The following IL1RAPL2 variants were observed in gnomAD, a reference collection of about 807,000 sequenced individuals.
IL1RAPL2 encodes interleukin 1 receptor accessory protein like 2, also known as X-linked interleukin-1 receptor accessory protein-like 2.
IL1RAPL2 carries 3 observed loss-of-function variants against 44.1 expected under a neutral mutation model. That is an observed-to-expected ratio of 0.07 (90% CI 0.03 to 0.18). IL1RAPL2 has a LOEUF of 0.18. Ranked by LOEUF, IL1RAPL2 falls within the 10% of genes least tolerant of loss-of-function variation. The pLI is 1.00. For missense variants in IL1RAPL2, 391 were observed against 496.4 expected, an observed-to-expected ratio of 0.79 and a Z score of 2.02; for synonymous variants, 181 against 178.8, an observed-to-expected ratio of 1.01 and a Z score of -0.10.
chrX:104,853,254 C>T (rs769067219), intron 2 of IL1RAPL2, among the ~76,000 whole-genome samples: 5 of 111,333 alleles, frequency 4.5e-5, no homozygotes, highest in Non-Finnish European at 7.5e-5. Flanking sequence ...GAAATATCAA[C>T]GATAAGGATG....
At chrX:104,923,863 T>C (rs1421874083) in intron 2 of IL1RAPL2, among the ~76,000 whole-genome samples, 2 of 65,725 alleles carry the variant, frequency 3.0e-5, no homozygotes, top group African/African-American at 1.2e-4. Flanking sequence ...ACGGGCAAGT[T>C]GGATTTAAAA....
At chrX:104,813,927 G>T (rs1443633017) in intron 2 of IL1RAPL2, among the ~76,000 whole-genome samples, 2 of 111,942 alleles carry the variant, frequency 1.8e-5, no homozygotes, top group Admixed American at 9.5e-5. Context: ...GTCTGTAATT[G>T]TCATTTTGAA....
rs142852432 is a variant in IL1RAPL2 at position 105,066,095 on chromosome X, C to A, written c.83-129380C>A. Among the ~76,000 whole-genome samples, 440 of 111,073 alleles carry A rather than the reference C, an allele frequency of 4.0e-3. 3 individuals are homozygous for A. The highest frequency in any genetic ancestry group is 0.013 in the African/African-American group (410 of 30,491). ...GACTCTGAATGGGAAGCAGGCTGAA[C>A]CTCATTGGCTCAGAAATGAAAGGCT... On this transcript the variant is annotated intron_variant, in intron 2 of 10. Coordinates refer to ENST00000372582, the MANE Select transcript of IL1RAPL2 (RefSeq NM_017416.2).
At chrX:105,056,587 C>A (rs1439818985) in intron 2 of IL1RAPL2, among the ~76,000 whole-genome samples, 1 of 111,208 alleles carries the variant, frequency 9.0e-6, no homozygotes, top group Non-Finnish European at 1.9e-5. Flanking sequence ...GTAGATCAGA[C>A]CCTGAATCCT....
chrX:105,119,493 C>G (rs988826730), intron 2 of IL1RAPL2, among the ~76,000 whole-genome samples: 1 of 111,533 alleles, frequency 9.0e-6, no homozygotes, highest in Non-Finnish European at 1.9e-5. Context: ...CTCTGCCTGG[C>G]TCTTAATTTC....
chrX:104,901,532 G>T (rs982845840), intron 2 of IL1RAPL2, among the ~76,000 whole-genome samples: 13 of 110,328 alleles, frequency 1.2e-4, no homozygotes, highest in African/African-American at 3.3e-4. Flanking sequence ...TTTCTACCAG[G>T]TCATGTATTT....
chrX:105,220,535 C>G lies in IL1RAPL2; in HGVS notation c.357-13283C>G, dbSNP rs186710149. The G allele has an allele frequency of 7.2e-3, 4,122 of 569,216 alleles. 26 individuals carry two copies. Among genetic ancestry groups the G allele is most frequent in the Non-Finnish European group, 8.3e-3 (3,174 of 382,847 alleles). The allele number at this position is 569,216 out of a possible 1,213,427, so 46.9% of individuals were successfully genotyped here. A position where few individuals can be genotyped will look rare whatever the true frequency, so the allele number is the denominator to read the frequency against. The stretch of plus-strand genomic sequence containing the variant: ...CCCGCCCTACCCGCTCTGACAAGAC[C>G]GTCCTAATGACCCCCTGACCGGCTT... On this transcript the variant is annotated intron_variant, in intron 3 of 10. Transcript: ENST00000372582.
intron 2 of IL1RAPL2, among the ~76,000 whole-genome samples, chrX:105,039,708 G>T (rs2031689159): frequency 8.9e-6 from 1 of 111,836 alleles, no homozygotes; most frequent in Admixed American, 9.5e-5. Flanking sequence ...AAGAATGCTT[G>T]TGATTTTTTG....
intron 6 of IL1RAPL2, among the ~76,000 whole-genome samples, chrX:105,701,428 C>T (rs2038118351): frequency 9.0e-6 from 1 of 111,625 alleles, no homozygotes; most frequent in Admixed American, 9.5e-5. Flanking sequence ...CAAACAGGTA[C>T]AAAGAGTATT....
intron 5 of IL1RAPL2, among the ~76,000 whole-genome samples, chrX:105,300,506 C>T (rs1271679220): frequency 9.0e-6 from 1 of 111,088 alleles, no homozygotes; most frequent in Non-Finnish European, 1.9e-5. Context: ...TTACCTCCTA[C>T]CAGGCCCCAA....
chrX:104,647,959 C>G, intron 1 of IL1RAPL2: 1 of 823,018 alleles, frequency 1.2e-6, no homozygotes, highest in Non-Finnish European at 1.8e-6. Flanking sequence ...CAGCTAAGGC[C>G]AGGCCAAACT....
At chrX:105,102,982 G>A (rs1312035624) in intron 2 of IL1RAPL2, among the ~76,000 whole-genome samples, 2 of 111,626 alleles carry the variant, frequency 1.8e-5, no homozygotes, top group African/African-American at 6.5e-5. Flanking sequence ...AGGAAGCCTG[G>A]AAGAGGTTTT....
intron 2 of IL1RAPL2, among the ~76,000 whole-genome samples, chrX:104,712,149 G>A (rs1931470169): frequency 9.0e-6 from 1 of 110,778 alleles, no homozygotes; most frequent in South Asian, 3.8e-4. Flanking sequence ...AACCTAGGAA[G>A]TTCCCCTCTT....
chrX:104,992,713 T>C (rs1263197503), intron 2 of IL1RAPL2, among the ~76,000 whole-genome samples: 4 of 110,429 alleles, frequency 3.6e-5, no homozygotes, highest in African/African-American at 1.3e-4. Flanking sequence ...CTACTGAATA[T>C]GAGTGTTTGA....
intron 2 of IL1RAPL2, among the ~76,000 whole-genome samples, chrX:104,945,283 T>C (rs771302562): frequency 5.1e-4 from 56 of 110,658 alleles, no homozygotes; most frequent in African/African-American, 1.8e-3. Context: ...ACTTAGTAAA[T>C]ATAATAAATA....
At chrX:105,218,900 G>T in intron 3 of IL1RAPL2, 9 of 998,525 alleles carry the variant, frequency 9.0e-6, no homozygotes, top group Non-Finnish European at 1.2e-5. Flanking sequence ...CCACAAGCCT[G>T]CCCTCTGAAA....
chrX:104,788,679 A>G (rs1204185103), intron 2 of IL1RAPL2, among the ~76,000 whole-genome samples: 1 of 111,917 alleles, frequency 8.9e-6, no homozygotes, highest in Non-Finnish European at 1.9e-5. Context: ...GATTACCAAG[A>G]GCTTTCACTC....
chrX:104,622,676 G>A (rs965948495), intron 1 of IL1RAPL2, among the ~76,000 whole-genome samples: 2 of 110,784 alleles, frequency 1.8e-5, no homozygotes, highest in Non-Finnish European at 3.8e-5. Context: ...GTCTGTGGCT[G>A]TGATATAGAG....
intron 1 of IL1RAPL2, among the ~76,000 whole-genome samples, chrX:104,625,643 C>A (rs1929490238): frequency 9.0e-6 from 1 of 111,318 alleles, no homozygotes; most frequent in Admixed American, 9.6e-5. Flanking sequence ...ATAGTTCATG[C>A]CTTGGGATAT....
Sources: allele counts gnomAD v4.1 joint callset (sites outside exome capture counted in the v4.1 genomes callset), GRCh38; gene constraint gnomAD v4.1.1; transcripts MANE v1.5; gene names NCBI Gene and HGNC (gene_info 2026-07-23, HGNC 2026-07-21).